The following HS6ST3 variants were observed in gnomAD, a reference collection of about 807,000 sequenced individuals.
HS6ST3 encodes heparan sulfate 6-O-sulfotransferase 3.
A neutral mutation model predicts 36.7 loss-of-function variants in HS6ST3; 12 were observed. The observed-to-expected ratio is 0.33, with a 90% confidence interval of 0.21 to 0.53. The LOEUF is 0.53. Ranked by LOEUF, HS6ST3 falls within the 20% of genes least tolerant of loss-of-function variation. The probability of loss-of-function intolerance (pLI) is 0.95; values close to 1 mark genes in which losing one functional copy is unlikely to be tolerated. For synonymous variants in HS6ST3, 240 were observed against 257.5 expected (o/e 0.93, Z 0.65); for missense variants, 584 against 640.9 (o/e 0.91, Z 0.96).
intron 1 of HS6ST3, among the ~76,000 whole-genome samples, chr13:96,178,960 A>C (rs1047233282): frequency 1.3e-5 from 2 of 152,230 alleles, no homozygotes; most frequent in Non-Finnish European, 2.9e-5. Flanking sequence ...ATACTAAGAA[A>C]TGGAGAGATT....
At chr13:96,674,497 G>A (rs2056692595) in intron 1 of HS6ST3, among the ~76,000 whole-genome samples, 1 of 151,948 alleles carries the variant, frequency 6.6e-6, no homozygotes, top group South Asian at 2.1e-4. Flanking sequence ...GCTTCTCCTG[G>A]GGGTGTGAGC....
chr13:96,682,979 A>T (rs1344508687), intron 1 of HS6ST3, among the ~76,000 whole-genome samples: 2 of 152,116 alleles, frequency 1.3e-5, no homozygotes, highest in African/African-American at 4.8e-5. Flanking sequence ...TTCTTTTTCT[A>T]TGCAACAACT....
At chr13:96,269,512 A>G (rs1391401278) in intron 1 of HS6ST3, among the ~76,000 whole-genome samples, 1 of 151,988 alleles carries the variant, frequency 6.6e-6, no homozygotes, top group African/African-American at 2.4e-5. Flanking sequence ...TCTGCTTTCC[A>G]TGAAACGTGC....
intron 1 of HS6ST3, among the ~76,000 whole-genome samples, chr13:96,160,562 G>A (rs1331560174): frequency 1.3e-5 from 2 of 152,178 alleles, no homozygotes; most frequent in African/African-American, 4.8e-5. Flanking sequence ...TTGATTTTAA[G>A]AAGAGTTGAA....
intron 1 of HS6ST3, among the ~76,000 whole-genome samples, chr13:96,122,946 G>A (rs925737345): frequency 6.6e-6 from 1 of 152,150 alleles, no homozygotes; most frequent in Non-Finnish European, 1.5e-5. Flanking sequence ...CAGAGAGCAT[G>A]TAGGGGCAGA....
At chr13:96,721,935 G>T (rs1423511039) in intron 1 of HS6ST3, among the ~76,000 whole-genome samples, 1 of 152,166 alleles carries the variant, frequency 6.6e-6, no homozygotes, top group Non-Finnish European at 1.5e-5. Flanking sequence ...TTCAGAGATT[G>T]GGGATTTAAC....
At chr13:96,189,185 C>G (rs1009049141) in intron 1 of HS6ST3, among the ~76,000 whole-genome samples, 1 of 151,630 alleles carries the variant, frequency 6.6e-6, no homozygotes, top group Non-Finnish European at 1.5e-5. Context: ...AATTTTAATG[C>G]TCTTTTTATT....
intron 1 of HS6ST3, among the ~76,000 whole-genome samples, chr13:96,601,044 C>T (rs1594815875): frequency 6.6e-6 from 1 of 152,226 alleles, no homozygotes; most frequent in East Asian, 1.9e-4. Flanking sequence ...CTATTAGTCT[C>T]ATAGGTTTTT....
At chr13:96,735,299 T>C (rs78423197) in intron 1 of HS6ST3, among the ~76,000 whole-genome samples, 7,628 of 152,164 alleles carry the variant, frequency 0.05, 258 homozygotes, top group Middle Eastern at 0.079. Context: ...AGAGTTTATG[T>C]GTTTTGCATG....
intron 1 of HS6ST3, among the ~76,000 whole-genome samples, chr13:96,486,110 C>T (rs1005560668): frequency 1.4e-5 from 2 of 147,378 alleles, no homozygotes; most frequent in African/African-American, 5.0e-5. Context: ...TGAGAACATG[C>T]GGTGTTTGGT....
At chr13:96,307,947 A>G (rs1276118333) in intron 1 of HS6ST3, among the ~76,000 whole-genome samples, 3 of 152,120 alleles carry the variant, frequency 2.0e-5, no homozygotes, top group Non-Finnish European at 4.4e-5. Flanking sequence ...CATTACTTCC[A>G]TCAGTTGTTG....
At chr13:96,231,206 A>T (rs1046862927) in intron 1 of HS6ST3, among the ~76,000 whole-genome samples, 1 of 152,080 alleles carries the variant, frequency 6.6e-6, no homozygotes, top group Non-Finnish European at 1.5e-5. Flanking sequence ...GTGCCTGTTG[A>T]TCCTGTGGGA....
intron 1 of HS6ST3, among the ~76,000 whole-genome samples, chr13:96,821,973 T>G (rs893866867): frequency 6.6e-6 from 1 of 152,238 alleles, no homozygotes; most frequent in Non-Finnish European, 1.5e-5. Flanking sequence ...TTACTTCTTT[T>G]CCTGTCCAAA....
chr13:96,506,869 G>T (rs868044391), intron 1 of HS6ST3, among the ~76,000 whole-genome samples: 1 of 152,108 alleles, frequency 6.6e-6, no homozygotes, highest in Non-Finnish European at 1.5e-5. Flanking sequence ...AGCTGTACCT[G>T]ATCGTCAAGG....
At chr13:96,417,068 C>T (rs763105471) in intron 1 of HS6ST3, among the ~76,000 whole-genome samples, 6 of 152,134 alleles carry the variant, frequency 3.9e-5, no homozygotes, top group Non-Finnish European at 8.8e-5. Context: ...GTAACTTTTA[C>T]GCTGCCAGCA....
intron 1 of HS6ST3, among the ~76,000 whole-genome samples, chr13:96,225,528 C>T (rs1221051818): frequency 6.6e-6 from 1 of 152,178 alleles, no homozygotes; most frequent in African/African-American, 2.4e-5. Context: ...ATATGCAGCT[C>T]TTTATTTTAT....
chr13:96,575,556 T>G (rs2056317433), intron 1 of HS6ST3, among the ~76,000 whole-genome samples: 1 of 152,222 alleles, frequency 6.6e-6, no homozygotes, highest in South Asian at 2.1e-4. Context: ...AGGAAGACTG[T>G]TGATGTTTCA....
At chr13:96,729,569 G>T (rs931116213) in intron 1 of HS6ST3, among the ~76,000 whole-genome samples, 16 of 152,000 alleles carry the variant, frequency 1.1e-4, no homozygotes, top group African/African-American at 3.9e-4. Flanking sequence ...CGATTCTTCT[G>T]CCTCAGCCTC....
Position 96,388,037 on chromosome 13 carries a change from A to G in HS6ST3, c.707+296468A>G, listed in dbSNP as rs931737882. The stretch of plus-strand genomic sequence containing the variant: ...AACTTTGATGGCCTTTAAACTGTCA[A>G]CTACCCTCTGGTTTGCCTGGAATTC... On this transcript the variant is annotated intron_variant, in intron 1 of 1. Transcript: ENST00000376705. Among the ~76,000 whole-genome samples, 17 of 152,304 alleles carry G rather than the reference A, an allele frequency of 1.1e-4. No individual in the cohort carries two copies. The South Asian group carries it at 1.2e-3, about 11-fold the overall frequency.
Sources: gnomAD v4.1 joint callset for allele counts (sites outside exome capture counted in the v4.1 genomes callset) on GRCh38, gnomAD v4.1.1 for gene constraint, MANE v1.5 for transcripts, NCBI Gene and HGNC (gene_info 2026-07-23, HGNC 2026-07-21) for gene names.